The following PABPC4L variants were observed in gnomAD, a reference collection of about 807,000 sequenced individuals.
PABPC4L encodes polyadenylate-binding protein 4-like.
For synonymous variants in PABPC4L, 169 were observed against 164.1 expected, an observed-to-expected ratio of 1.03 and a Z score of -0.23; for missense variants, 452 against 451.4, an observed-to-expected ratio of 1.00 and a Z score of -0.01.
the PABPC4L span, among the ~76,000 whole-genome samples, chr4:133,960,720 G>C: frequency 2.6e-5 from 4 of 152,242 alleles, no homozygotes; most frequent in East Asian, 7.8e-4. Context: ...TTGGCTGTTA[G>C]GGGGAGCATG....
chr4:134,060,140 G>A, the PABPC4L span, among the ~76,000 whole-genome samples: 1 of 152,186 alleles, frequency 6.6e-6, no homozygotes, highest in East Asian at 1.9e-4. Context: ...CATGGAGATA[G>A]CATTTAGACC....
chr4:133,979,364 G>A, the PABPC4L span, among the ~76,000 whole-genome samples: 8 of 152,132 alleles, frequency 5.3e-5, no homozygotes, highest in African/African-American at 1.7e-4. Context: ...TATAGTCAAT[G>A]TAATTTTTAA....
At chr4:134,090,831 A>G in the PABPC4L span, among the ~76,000 whole-genome samples, 9 of 151,836 alleles carry the variant, frequency 5.9e-5, no homozygotes, top group African/African-American at 1.7e-4. Flanking sequence ...TAGTGATTAG[A>G]TATGTCACCT....
At chr4:133,997,752 A>G in the PABPC4L span, among the ~76,000 whole-genome samples, 1 of 152,188 alleles carries the variant, frequency 6.6e-6, no homozygotes, top group Non-Finnish European at 1.5e-5. Flanking sequence ...GGTGGAAACA[A>G]CAAGAGAACT....
At chr4:133,972,115 G>C in the PABPC4L span, among the ~76,000 whole-genome samples, 1 of 152,142 alleles carries the variant, frequency 6.6e-6, no homozygotes, top group Admixed American at 6.5e-5. Context: ...TGAATGCTAA[G>C]ATCTAGGAGT....
At chr4:134,163,337 A>G in the PABPC4L span, among the ~76,000 whole-genome samples, 4 of 152,180 alleles carry the variant, frequency 2.6e-5, no homozygotes, top group African/African-American at 7.2e-5. Context: ...ATACACCAAT[A>G]ATAAGCAGTG....
At chr4:134,073,314 A>G in the PABPC4L span, among the ~76,000 whole-genome samples, 1 of 152,176 alleles carries the variant, frequency 6.6e-6, no homozygotes, top group Non-Finnish European at 1.5e-5. Flanking sequence ...CAAAAATCTA[A>G]TAGGTCACCC....
chr4:134,058,816 T>C, the PABPC4L span, among the ~76,000 whole-genome samples: 1 of 151,992 alleles, frequency 6.6e-6, no homozygotes, highest in African/African-American at 2.4e-5. Context: ...TATAATTTTA[T>C]AAACCAAGGA....
At chr4:134,008,447 A>G in the PABPC4L span, among the ~76,000 whole-genome samples, 1 of 151,728 alleles carries the variant, frequency 6.6e-6, no homozygotes. Context: ...AAGTGAGCCT[A>G]TAAGAAAGTA....
At chr4:134,016,918 C>T in the PABPC4L span, among the ~76,000 whole-genome samples, 1 of 152,198 alleles carries the variant, frequency 6.6e-6, no homozygotes, top group Admixed American at 6.5e-5. Context: ...ACTCACATGC[C>T]CCAAGTAAGA....
chr4:133,988,970 T>G, the PABPC4L span, among the ~76,000 whole-genome samples: 6 of 152,118 alleles, frequency 3.9e-5, no homozygotes, highest in Non-Finnish European at 8.8e-5. Flanking sequence ...GGCATGGAGC[T>G]TGCACCCTCT....
chr4:133,999,839 C>T, the PABPC4L span, among the ~76,000 whole-genome samples: 1 of 151,814 alleles, frequency 6.6e-6, no homozygotes, highest in Non-Finnish European at 1.5e-5. Context: ...CAAATCTGCC[C>T]AGGGATGAAG....
chr4:134,002,010 T>C, the PABPC4L span, among the ~76,000 whole-genome samples: 1 of 152,000 alleles, frequency 6.6e-6, no homozygotes, highest in Non-Finnish European at 1.5e-5. Context: ...TTAAATAATA[T>C]GAATCTGCCT....
chr4:134,123,403 G>T, the PABPC4L span, among the ~76,000 whole-genome samples: 112 of 152,148 alleles, frequency 7.4e-4, no homozygotes, highest in Middle Eastern at 3.4e-3. Flanking sequence ...AGCCTGAGAG[G>T]TGAAACAATA....
the PABPC4L span, among the ~76,000 whole-genome samples, chr4:134,113,017 G>T: frequency 6.6e-6 from 1 of 151,648 alleles, no homozygotes; most frequent in Non-Finnish European, 1.5e-5. Flanking sequence ...TAACAAAAAA[G>T]TTTAAAAACA....
At chr4:134,065,823 A>G in the PABPC4L span, among the ~76,000 whole-genome samples, 173 of 152,062 alleles carry the variant, frequency 1.1e-3, no homozygotes, top group African/African-American at 3.8e-3. Context: ...TCCGGTTTTA[A>G]TCTTTTGCAC....
At chr4:134,045,944 T>A in the PABPC4L span, among the ~76,000 whole-genome samples, 1 of 152,144 alleles carries the variant, frequency 6.6e-6, no homozygotes, top group Non-Finnish European at 1.5e-5. Context: ...TTTCATCAAA[T>A]TTCATAAATC....
At chr4:134,002,316 C>T in the PABPC4L span, among the ~76,000 whole-genome samples, 1 of 151,476 alleles carries the variant, frequency 6.6e-6, no homozygotes, top group Admixed American at 6.6e-5. Flanking sequence ...TCATTATATC[C>T]TTATTTAAAA....
the PABPC4L span, among the ~76,000 whole-genome samples, chr4:133,999,208 C>T: frequency 6.6e-6 from 1 of 152,020 alleles, no homozygotes; most frequent in Non-Finnish European, 1.5e-5. Flanking sequence ...AGTTCCTATG[C>T]TGTGTAAAAC....
Sources: allele counts gnomAD v4.1 joint callset (sites outside exome capture counted in the v4.1 genomes callset), GRCh38; gene constraint gnomAD v4.1.1; transcripts MANE v1.5; gene names NCBI Gene and HGNC (gene_info 2026-07-23, HGNC 2026-07-21).